Variants in VAMP7 observed in about 807,000 individuals in gnomAD.
The protein encoded by VAMP7 is vesicle associated membrane protein 7, also known as vesicle-associated membrane protein 7.
Under a neutral mutation model 29.6 loss-of-function variants are expected in VAMP7, and 14 were observed. That is an observed-to-expected ratio of 0.47 (90% CI 0.31 to 0.74). The LOEUF is 0.74. VAMP7 is among the 30% of genes least tolerant of loss of function. VAMP7 has a pLI of 0.05. For missense variants in VAMP7, 223 were observed against 262.4 expected (o/e 0.85, Z 1.04); for synonymous variants, 95 against 88.1 (o/e 1.08, Z -0.44).
chrX:155,883,362 C>G (rs141271987), intron 1 of VAMP7, among the ~76,000 whole-genome samples: 420 of 152,258 alleles, frequency 2.8e-3, no homozygotes, highest in African/African-American at 9.6e-3. Flanking sequence ...TCCATCCCTC[C>G]TAAAAGGATC....
chrX:155,882,406 G>A (rs2065813284), intron 1 of VAMP7, among the ~76,000 whole-genome samples: 1 of 152,124 alleles, frequency 6.6e-6, no homozygotes, highest in Non-Finnish European at 1.5e-5. Context: ...GAAAGGATGG[G>A]ATCCTATCCT....
chrX:155,887,348 C>T (rs28436291), intron 1 of VAMP7, among the ~76,000 whole-genome samples: 2,696 of 152,030 alleles, frequency 0.018, 63 homozygotes, highest in African/African-American at 0.062. Context: ...GGAAAGTCGA[C>T]ATTTAGAGGT....
intron 5 of VAMP7, among the ~76,000 whole-genome samples, chrX:155,917,835 G>A (rs1307198996): frequency 6.6e-6 from 1 of 152,182 alleles, no homozygotes; most frequent in Non-Finnish European, 1.5e-5. Flanking sequence ...CTTGAGCACT[G>A]TGCTGGGATT....
intron 6 of VAMP7, among the ~76,000 whole-genome samples, chrX:155,925,915 G>GA (rs2066460603): frequency 6.6e-6 from 1 of 151,996 alleles, no homozygotes; most frequent in African/African-American, 2.4e-5. Flanking sequence ...TTATCTCCTC[G>GA]TAAGTCTCCA....
At chrX:155,912,723 G>T (rs1344600841) in intron 5 of VAMP7, among the ~76,000 whole-genome samples, 3 of 152,094 alleles carry the variant, frequency 2.0e-5, no homozygotes, top group African/African-American at 7.2e-5. Context: ...GTATTCCATC[G>T]TGTATATGTG....
At chrX:155,937,543 T>C (rs1325285460) in intron 6 of VAMP7, among the ~76,000 whole-genome samples, 1 of 152,206 alleles carries the variant, frequency 6.6e-6, no homozygotes, top group African/African-American at 2.4e-5. Context: ...ATATACCATT[T>C]TTATTTGCCA....
rs1292974855 is a variant in VAMP7 at position 155,889,507 on chromosome X, T to A, written c.41T>A (p.Ile14Asn). ...LFAVVARGTTILAKHAWCGGN... is the reference protein window; with the variant it reads ...LFAVVARGTTNLAKHAWCGGN... ...GCTGTTGTTGCCAGGGGGACCACTA[T>A]CCTTGCCAAACATGCTTGGTGTGGA... Residue 14 changes from isoleucine to asparagine, a missense_variant, in exon 2 of 8, where the codon ATC (isoleucine) becomes AAC (asparagine). Coordinates refer to ENST00000286448, the MANE Select transcript of VAMP7 (RefSeq NM_005638.6). 1 of 1,613,940 alleles carries A rather than the reference T, an allele frequency of 6.2e-7. No homozygotes were observed. Among genetic ancestry groups the A allele is most frequent in the East Asian group, 2.2e-5 (1 of 44,878 alleles).
chrX:155,892,741 GTATTATTAT>G (rs34905684), intron 2 of VAMP7, among the ~76,000 whole-genome samples: 6 of 145,890 alleles, frequency 4.1e-5, no homozygotes, highest in East Asian at 2.0e-4. Flanking sequence ...TTTTCACACT[GTATTATTAT>G]TATTATTATT....
intron 1 of VAMP7, among the ~76,000 whole-genome samples, chrX:155,886,281 T>A (rs940564206): frequency 1.3e-5 from 2 of 152,182 alleles, no homozygotes; most frequent in Non-Finnish European, 2.9e-5. Flanking sequence ...CGTTATGGAT[T>A]CTATTACAAG....
At chrX:155,935,879 G>T (rs910664378) in intron 6 of VAMP7, among the ~76,000 whole-genome samples, 1 of 152,046 alleles carries the variant, frequency 6.6e-6, no homozygotes, top group African/African-American at 2.4e-5. Flanking sequence ...TGGGGTTTTT[G>T]TGTGGATGTC....
At chrX:155,928,994 T>C (rs1371126531) in intron 6 of VAMP7, among the ~76,000 whole-genome samples, 1 of 152,254 alleles carries the variant, frequency 6.6e-6, no homozygotes, top group Admixed American at 6.5e-5. Flanking sequence ...TTTCTTCATA[T>C]GAGTTTGTGG....
At chrX:155,892,121 T>C (rs1469885645) in intron 2 of VAMP7, among the ~76,000 whole-genome samples, 1 of 152,178 alleles carries the variant, frequency 6.6e-6, no homozygotes, top group East Asian at 1.9e-4. Context: ...AATGCAGTTA[T>C]AGTAGAAGGA....
intron 6 of VAMP7, among the ~76,000 whole-genome samples, chrX:155,930,147 C>G (rs1241269895): frequency 6.6e-6 from 1 of 152,126 alleles, no homozygotes; most frequent in African/African-American, 2.4e-5. Flanking sequence ...AAAGCTTACC[C>G]AAGCCTTAGT....
intron 5 of VAMP7, among the ~76,000 whole-genome samples, chrX:155,906,735 A>G (rs750809120): frequency 1.3e-5 from 2 of 152,274 alleles, no homozygotes; most frequent in South Asian, 4.1e-4. Flanking sequence ...TTTTCTCTAT[A>G]TAGAATCATG....
At chrX:155,931,632 A>G (rs1034762874) in intron 6 of VAMP7, among the ~76,000 whole-genome samples, 2 of 152,132 alleles carry the variant, frequency 1.3e-5, no homozygotes, top group Non-Finnish European at 2.9e-5. Context: ...AGATGAGTAG[A>G]TTGCAAAACT....
At chrX:155,925,656 G>A (rs371435556) in intron 6 of VAMP7, among the ~76,000 whole-genome samples, 13 of 152,210 alleles carry the variant, frequency 8.5e-5, no homozygotes, top group African/African-American at 2.7e-4. Context: ...GGGAAGGCTC[G>A]AAGTGGGGAG....
chrX:155,942,255 A>G lies in VAMP7; in HGVS notation c.*304A>G, dbSNP rs2066756747. 3 of 1,323,332 alleles carry G rather than the reference A, an allele frequency of 2.3e-6. No individual in the cohort carries two copies. Among genetic ancestry groups the G allele is most frequent in the Non-Finnish European group, 3.1e-6 (3 of 983,302 alleles). 82.0% of individuals were successfully genotyped at this position (1,323,332 alleles called of 1,614,324 possible). On this transcript the variant is annotated 3_prime_UTR_variant, in exon 8 of 8. Coordinates refer to ENST00000286448, the MANE Select transcript of VAMP7 (RefSeq NM_005638.6). ...AAACATTTTTGTTTTTAATTGCTCA[A>G]AGCTGTCGCCGCTAGTCTTATGAGC...
In VAMP7 at chrX:155,942,827, T is replaced by C. The variant is rs2066766961; in HGVS notation, c.*876T>C. 1 of 152,140 alleles carries C rather than the reference T, an allele frequency of 6.6e-6. No homozygotes were observed. Among genetic ancestry groups the C allele is most frequent in the South Asian group, 2.1e-4 (1 of 4,810 alleles). 9.4% of individuals were successfully genotyped at this position (152,140 alleles called of 1,614,324 possible). On this transcript the variant is annotated 3_prime_UTR_variant, in exon 8 of 8. Transcript: ENST00000286448. ...AAGAAGGGAACCACAGTGGATATGC[T>C]AGCATTTTAGCTGTGCAAAGGGAGG...
At chrX:155,924,115 C>T (rs1486335948) in intron 6 of VAMP7, among the ~76,000 whole-genome samples, 1 of 152,010 alleles carries the variant, frequency 6.6e-6, no homozygotes, top group Non-Finnish European at 1.5e-5. Flanking sequence ...CATCCCTGTC[C>T]TCTTCTTTTT....
Sources: allele counts gnomAD v4.1 joint callset (sites outside exome capture counted in the v4.1 genomes callset), GRCh38; gene constraint gnomAD v4.1.1; transcripts MANE v1.5; gene names NCBI Gene and HGNC (gene_info 2026-07-23, HGNC 2026-07-21).